Variants in DCTN1 observed in about 807,000 individuals in gnomAD.
The protein encoded by DCTN1 is dynactin subunit 1, also known as 150 kDa dynein-associated polypeptide.
In DCTN1, 61 loss-of-function variants were observed where a neutral mutation model predicts 161.2. The observed-to-expected ratio is 0.38, with a 90% CI of 0.31 to 0.47. The LOEUF (loss-of-function observed/expected upper bound fraction) is 0.47, where lower values mean the gene tolerates loss of function less well. Ranked by LOEUF, DCTN1 falls within the 20% of genes least tolerant of loss-of-function variation. The probability of loss-of-function intolerance (pLI) is 0.99; values close to 1 mark genes in which losing one functional copy is unlikely to be tolerated. For synonymous variants in DCTN1, 653 were observed against 632.4 expected, an observed-to-expected ratio of 1.03 and a Z score of -0.49; for missense variants, 1,404 against 1,623.7, an observed-to-expected ratio of 0.86 and a Z score of 2.33.
At chr2:74,378,296 G>C in intron 1 of DCTN1, 51 bp from the exon 2 acceptor site, 1 of 1,596,736 alleles carries the variant, frequency 6.3e-7, no homozygotes, top group Non-Finnish European at 8.5e-7. Flanking sequence ...ATCAAAGGTG[G>C]CATTCTTATG....
In DCTN1 at chr2:74,366,322, G is replaced by A; in HGVS notation, c.2682C>T (p.Asn894=). Residue 894 remains asparagine (N), a synonymous_variant, in exon 23 of 32, where the codon AAC becomes AAT. Coordinates refer to ENST00000628224, the MANE Select transcript of DCTN1 (RefSeq NM_004082.5). ...SPYECLRQSC[N]ILISTMNKLA... Reference sequence around the variant, plus strand: ...GCTTGTTCATGGTACTGATGAGGATGTTGCATGACTGGCGCAGACACTCAT... The same window carrying A: ...GCTTGTTCATGGTACTGATGAGGATATTGCATGACTGGCGCAGACACTCAT... 6.2e-7 allele frequency: 1 copy of A among 1,614,218 alleles called. No homozygotes were observed. The highest frequency in any genetic ancestry group is 8.5e-7 in the Non-Finnish European group (1 of 1,180,038).
At chr2:74,385,011 A>C (rs1415592790), upstream of DCTN1, 1 of 152,236 alleles carries the variant, frequency 6.6e-6, no homozygotes. Context: ...GGACCCCAGA[A>C]GACAACGTAC....
At chr2:74,377,877 A>G in intron 2 of DCTN1, 123 bp downstream of exon 2, 2 of 1,494,768 alleles carry the variant, frequency 1.3e-6, no homozygotes, top group Non-Finnish European at 1.8e-6. Flanking sequence ...CTCCCCCACT[A>G]CCTTCCACTC....
At chr2:74,371,395 C>G (rs1674834246) in intron 8 of DCTN1, 142 bp downstream of exon 8, 2 of 1,243,686 alleles carry the variant, frequency 1.6e-6, no homozygotes, top group Non-Finnish European at 1.1e-6. Context: ...CAGTCAGTAG[C>G]AAGATATCCA....
At chr2:74,377,858 C>T (rs1259064696) in intron 2 of DCTN1, 132 bp from the exon 3 acceptor site, 12 of 1,469,984 alleles carry the variant, frequency 8.2e-6, no homozygotes, top group South Asian at 2.3e-5. Context: ...GATGCATCTT[C>T]AATCTTCCCT....
chr2:74,367,936 C>G (rs371666983), intron 17 of DCTN1, 35 bp downstream of exon 17: 74 of 1,614,106 alleles, frequency 4.6e-5, no homozygotes, highest in Admixed American at 5.0e-5. Flanking sequence ...ATCCTGGACC[C>G]CCACCCTGGG....
chr2:74,383,093 AAT>A (rs1248943415), upstream of DCTN1, among the ~76,000 whole-genome samples: 88 of 150,534 alleles, frequency 5.8e-4, no homozygotes, highest in African/African-American at 2.0e-3. Flanking sequence ...AAAAAAAAAA[AAT>A]AAATAAATAA....
At chr2:74,368,592 G>C in intron 16 of DCTN1, 136 bp downstream of exon 16, 1 of 1,144,726 alleles carries the variant, frequency 8.7e-7, no homozygotes, top group Non-Finnish European at 1.3e-6. Context: ...ATTAATCGGT[G>C]ACTTTGCTGT....
chr2:74,387,560 A>G (rs1675789802), intron 1 of DCTN1, among the ~76,000 whole-genome samples: 1 of 152,124 alleles, frequency 6.6e-6, no homozygotes. Context: ...ACCACCATCC[A>G]CTCAAAATAG....
intron 5 of DCTN1, among the ~76,000 whole-genome samples, chr2:74,375,753 C>T (rs537146254): frequency 1.3e-5 from 2 of 152,274 alleles, no homozygotes; most frequent in African/African-American, 4.8e-5. Flanking sequence ...CCTTATATCC[C>T]CATTCCCTAC....
intron 6 of DCTN1, chr2:74,373,199 C>T: frequency 1.8e-6 from 1 of 567,930 alleles, no homozygotes; most frequent in South Asian, 1.9e-5. Flanking sequence ...AGGCCTCACC[C>T]CTTCAGACAC....
chr2:74,377,371 C>G, intron 4 of DCTN1, 61 bp downstream of exon 4: 1 of 1,421,754 alleles, frequency 7.0e-7, no homozygotes, highest in Non-Finnish European at 1.0e-6. Context: ...CACTGGGTAT[C>G]CCTCCTCTTT....
At chr2:74,380,368 C>T, upstream of DCTN1, 1 of 514,532 alleles carries the variant, frequency 1.9e-6, no homozygotes, top group Non-Finnish European at 3.8e-6. Flanking sequence ...GTCCTAGTGC[C>T]CCCCTGCTTC....
chr2:74,376,080 T>C (rs1480826131), intron 5 of DCTN1, among the ~76,000 whole-genome samples: 1 of 152,030 alleles, frequency 6.6e-6, no homozygotes, highest in East Asian at 1.9e-4. Context: ...AAAGAGTCTA[T>C]GGTGGGAAGG....
At chr2:74,383,155 G>A (rs1462474781), upstream of DCTN1, among the ~76,000 whole-genome samples, 1 of 152,128 alleles carries the variant, frequency 6.6e-6, no homozygotes, top group Non-Finnish European at 1.5e-5. Flanking sequence ...TGTAACTTGT[G>A]AACACAGTAT....
chr2:74,373,375 TCTTC>T (rs904047177), intron 6 of DCTN1: 36 of 304,388 alleles, frequency 1.2e-4, no homozygotes, highest in African/African-American at 6.7e-4. Context: ...CAGGTCAGCC[TCTTC>T]CTTCAAGTGC....
In DCTN1 at chr2:74,370,001, C is replaced by T. The variant is rs200138600; in HGVS notation, c.1356G>A (p.Glu452=). Residue 452 remains glutamate (E), a synonymous_variant, in exon 13 of 32, where the codon GAG becomes GAA. Transcript: ENST00000628224. The surrounding 1 kb of genome is among the most constrained non-coding windows in gnomAD (Gnocchi z 4.4). ...MLTDRNLNLE[E]KVRELRETVG... Reference sequence around the variant, plus strand: ...CAGTCTCCCTCAACTCGCGCACTTTCTCTTCCAGATTCAGGTTCCGATCTG... The same window carrying T: ...CAGTCTCCCTCAACTCGCGCACTTTTTCTTCCAGATTCAGGTTCCGATCTG... 4 of 1,614,204 alleles carry T rather than the reference C, an allele frequency of 2.5e-6. No homozygotes were observed. The African/African-American group carries it at 5.3e-5, about 22-fold the overall frequency.
At position 74,365,534 on chromosome 2, in the gene DCTN1, G is replaced by C. The variant is rs758387062; in HGVS notation, c.3010C>G (p.Leu1004Val). 5.5e-5 allele frequency: 88 copies of C among 1,614,014 alleles called. No individual in the cohort carries two copies. The highest frequency in any genetic ancestry group is 9.3e-6 in the Non-Finnish European group (11 of 1,180,022). Reference protein sequence around the residue: ...VQTRLEETQALLRKKEKEFEE... With the variant: ...VQTRLEETQAVLRKKEKEFEE... Reference sequence around the variant, plus strand: ...CCTGACTTCTCCTTCTTTCGCAGCAGTGCCTGGGTCTCCTCCAGCCGAGTC... The same window carrying C: ...CCTGACTTCTCCTTCTTTCGCAGCACTGCCTGGGTCTCCTCCAGCCGAGTC... Residue 1004 changes from leucine (L) to valine (V), a missense_variant, in exon 25 of 32, where the codon CTG (leucine) becomes GTG (valine). Leu to Val is a conservative substitution (Grantham distance 32, BLOSUM62 1). Transcript: ENST00000628224.
At position 74,368,731 on chromosome 2, in the gene DCTN1, G is replaced by C; in HGVS notation, c.1851C>G (p.Cys617Trp). 6.2e-7 allele frequency: 1 copy of C among 1,614,244 alleles called. No homozygotes were observed. Among genetic ancestry groups the C allele is most frequent in the Non-Finnish European group, 8.5e-7 (1 of 1,180,056 alleles). Residue 617 changes from cysteine to tryptophan, a missense_variant, in exon 16 of 32, where the codon TGC (cysteine) becomes TGG (tryptophan). Around this residue, in one of 9 missense-constraint regions of DCTN1, gnomAD observed 475 missense variants for 489.8 expected, o/e 0.97. Coordinates refer to ENST00000628224, the MANE Select transcript of DCTN1 (RefSeq NM_004082.5). ...LVLLLMPRLI[C>W]KAELIRKQAQ... ...ACATGTGATTGATTGGCCATACCTT[G>C]CAAATGAGACGAGGCATGAGCAACA...
Sources: allele counts gnomAD v4.1 joint callset (sites outside exome capture counted in the v4.1 genomes callset), GRCh38; gene constraint gnomAD v4.1.1; regional missense constraint gnomAD v4.1.1; non-coding constraint Gnocchi (gnomAD v3.1); transcripts MANE v1.5; gene names NCBI Gene and HGNC (gene_info 2026-07-23, HGNC 2026-07-21).